The following GALNTL6 variants were observed in gnomAD, a reference collection of about 807,000 sequenced individuals.
GALNTL6 encodes polypeptide N-acetylgalactosaminyltransferase like 6.
GALNTL6 carries 46 observed loss-of-function variants against 73.7 expected under a neutral mutation model. The ratio of observed to expected loss-of-function variants is 0.62; its 90% CI spans 0.49 to 0.80. GALNTL6 has a LOEUF of 0.80. Among genes scored for constraint, GALNTL6 ranks in the 30% least tolerant of loss-of-function variants. The probability of loss-of-function intolerance (pLI) is 0.00; values close to 1 mark genes in which losing one functional copy is unlikely to be tolerated. For missense variants in GALNTL6, 604 were observed against 755.0 expected, an observed-to-expected ratio of 0.80 and a Z score of 2.34; for synonymous variants, 259 against 263.7, an observed-to-expected ratio of 0.98 and a Z score of 0.17.
chr4:172,987,293 T>G (rs1315520638), intron 10 of GALNTL6, among the ~76,000 whole-genome samples: 2 of 152,020 alleles, frequency 1.3e-5, no homozygotes, highest in Non-Finnish European at 2.9e-5. Context: ...ACATCCTTAT[T>G]CACATGGTGG....
chr4:172,781,485 AT>A (rs1457073775), intron 5 of GALNTL6, among the ~76,000 whole-genome samples: 1 of 152,166 alleles, frequency 6.6e-6, no homozygotes, highest in East Asian at 1.9e-4. Context: ...TTTCAAAAAA[AT>A]TTTTAGATAA....
At chr4:172,421,499 G>GAGAT (rs1202167352) in intron 5 of GALNTL6, among the ~76,000 whole-genome samples, 2 of 151,186 alleles carry the variant, frequency 1.3e-5, no homozygotes, top group African/African-American at 4.9e-5. Flanking sequence ...AAAAATAAGG[G>GAGAT]AGATAAAATA....
intron 9 of GALNTL6, among the ~76,000 whole-genome samples, chr4:172,951,178 G>C (rs1013046829): frequency 6.6e-6 from 1 of 152,186 alleles, no homozygotes; most frequent in Non-Finnish European, 1.5e-5. Flanking sequence ...TTATGTGCCA[G>C]AGACTTATTC....
rs375168474 is a variant in GALNTL6, at chr4:172,362,754, G to A, written c.553+14065G>A. On this transcript the variant is annotated intron_variant, in intron 5 of 12. Coordinates refer to ENST00000506823, the MANE Select transcript of GALNTL6 (RefSeq NM_001034845.3). ...TTAAATTTGAAAAGTTCACTTCCTCGCTTGATGACATCATCATCCATTGAA... is the reference window on the plus strand; with the variant it reads ...TTAAATTTGAAAAGTTCACTTCCTCACTTGATGACATCATCATCCATTGAA... 2.1e-4 allele frequency among the ~76,000 whole-genome samples: 32 copies of A among 152,170 alleles called. 1 individual carries two copies. The highest frequency in any genetic ancestry group is 1.9e-3 in the South Asian group (9 of 4,820).
intron 3 of GALNTL6, among the ~76,000 whole-genome samples, chr4:172,292,804 G>A (rs553126592): frequency 6.6e-6 from 1 of 152,116 alleles, no homozygotes; most frequent in East Asian, 1.9e-4. Context: ...CTAATTGAAG[G>A]CCTTTCTACA....
chr4:172,704,931 T>A (rs372680099), intron 5 of GALNTL6, among the ~76,000 whole-genome samples: 4 of 152,172 alleles, frequency 2.6e-5, no homozygotes, highest in South Asian at 4.1e-4. Flanking sequence ...TCTCCCTATA[T>A]AATGACCATC....
chr4:172,768,103 G>A (rs769683872), intron 5 of GALNTL6, among the ~76,000 whole-genome samples: 1 of 152,136 alleles, frequency 6.6e-6, no homozygotes, highest in Non-Finnish European at 1.5e-5. Context: ...GTTGAGAAAG[G>A]ATAATTCCCT....
chr4:172,993,410 T>C (rs976340984), intron 10 of GALNTL6, among the ~76,000 whole-genome samples: 1 of 152,238 alleles, frequency 6.6e-6, no homozygotes, highest in Non-Finnish European at 1.5e-5. Flanking sequence ...TAATCTGTGG[T>C]ATTTTGTTAT....
intron 8 of GALNTL6, among the ~76,000 whole-genome samples, chr4:172,887,941 C>T (rs1242709435): frequency 6.6e-6 from 1 of 152,168 alleles, no homozygotes; most frequent in Non-Finnish European, 1.5e-5. Flanking sequence ...TTGCATTTAT[C>T]TTACAATTGG....
At chr4:172,692,585 C>G (rs897623177) in intron 5 of GALNTL6, among the ~76,000 whole-genome samples, 1 of 151,956 alleles carries the variant, frequency 6.6e-6, no homozygotes, top group African/African-American at 2.4e-5. Flanking sequence ...TAAGTCAGTT[C>G]AAATTATTTT....
At chr4:171,834,218 T>G (rs1735045378) in intron 2 of GALNTL6, among the ~76,000 whole-genome samples, 1 of 151,950 alleles carries the variant, frequency 6.6e-6, no homozygotes, top group Non-Finnish European at 1.5e-5. Flanking sequence ...GTACATTTGC[T>G]CTCACGGAAT....
chr4:172,568,087 G>T (rs1182094545), intron 5 of GALNTL6, among the ~76,000 whole-genome samples: 1 of 152,086 alleles, frequency 6.6e-6, no homozygotes. Flanking sequence ...TTAATATATT[G>T]TATAAAAATC....
In GALNTL6 at chr4:172,724,165, C is replaced by T. The variant is rs191468257; in HGVS notation, c.554-85196C>T. Among the ~76,000 whole-genome samples, 5 of 152,238 alleles carry T rather than the reference C, an allele frequency of 3.3e-5. No individual in the cohort carries two copies. In the East Asian group the frequency reaches 5.8e-4, roughly 18 times the overall value. On this transcript the variant is annotated intron_variant, in intron 5 of 12. Coordinates refer to ENST00000506823, the MANE Select transcript of GALNTL6 (RefSeq NM_001034845.3). ...TCCTGTATATTATTGCTCAAACCTG[C>T]GTCACCCTATTAAATCAATCACTTT...
intron 5 of GALNTL6, among the ~76,000 whole-genome samples, chr4:172,458,055 G>A (rs1285759753): frequency 6.6e-6 from 1 of 152,022 alleles, no homozygotes; most frequent in Non-Finnish European, 1.5e-5. Flanking sequence ...TAGAACTCAG[G>A]ATTAAGAAAC....
chr4:172,022,836 A>C (rs554415925), intron 2 of GALNTL6, among the ~76,000 whole-genome samples: 2 of 152,124 alleles, frequency 1.3e-5, no homozygotes, highest in South Asian at 4.1e-4. Flanking sequence ...TGAAATCTCA[A>C]TTAGATTTAT....
intron 5 of GALNTL6, among the ~76,000 whole-genome samples, chr4:172,572,991 G>C (rs1736820660): frequency 6.6e-6 from 1 of 152,022 alleles, no homozygotes; most frequent in Non-Finnish European, 1.5e-5. Context: ...TAGAATTATT[G>C]AAGTGGGTAC....
At chr4:172,423,591 G>T (rs1731125616) in intron 5 of GALNTL6, among the ~76,000 whole-genome samples, 1 of 151,824 alleles carries the variant, frequency 6.6e-6, no homozygotes, top group Non-Finnish European at 1.5e-5. Context: ...ATTTAAATTT[G>T]CATCCTGAAA....
At chr4:172,012,585 A>G (rs1741046783) in intron 2 of GALNTL6, among the ~76,000 whole-genome samples, 1 of 151,994 alleles carries the variant, frequency 6.6e-6, no homozygotes, top group Non-Finnish European at 1.5e-5. Context: ...AATGAACTGT[A>G]AACCCTCTCC....
At chr4:172,012,310 G>C (rs1365019100) in intron 2 of GALNTL6, among the ~76,000 whole-genome samples, 1 of 151,970 alleles carries the variant, frequency 6.6e-6, no homozygotes, top group African/African-American at 2.4e-5. Flanking sequence ...TTTTCACCAG[G>C]GCCGAATTCT....
Sources: allele counts gnomAD v4.1 joint callset (sites outside exome capture counted in the v4.1 genomes callset), GRCh38; gene constraint gnomAD v4.1.1; transcripts MANE v1.5; gene names NCBI Gene and HGNC (gene_info 2026-07-23, HGNC 2026-07-21).